KCNH1: variants seen among roughly 807,000 people sequenced by gnomAD.
KCNH1 encodes voltage-gated delayed rectifier potassium channel KCNH1.
A neutral mutation model predicts 69.2 loss-of-function variants in KCNH1; 27 were observed. That is an observed-to-expected ratio of 0.39 (90% CI 0.29 to 0.54). KCNH1 has a LOEUF of 0.54. Ranked by LOEUF, KCNH1 falls within the 20% of genes least tolerant of loss-of-function variation. The pLI is 0.68. For missense variants in KCNH1, 798 were observed against 1,261.6 expected, an observed-to-expected ratio of 0.63 and a Z score of 5.57; for synonymous variants, 456 against 487.7, an observed-to-expected ratio of 0.93 and a Z score of 0.86.
chr1:211,069,921 T>G (rs1171828194), intron 5 of KCNH1, among the ~76,000 whole-genome samples: 1 of 152,222 alleles, frequency 6.6e-6, no homozygotes, highest in South Asian at 2.1e-4. Context: ...TGATAAAATG[T>G]TCCCTAAAAC....
At chr1:211,086,309 C>A (rs979216169) in intron 4 of KCNH1, among the ~76,000 whole-genome samples, 1 of 152,148 alleles carries the variant, frequency 6.6e-6, no homozygotes, top group Admixed American at 6.5e-5. Context: ...CTGTGCCTGT[C>A]TTTTGCCAGG....
chr1:211,021,474 A>G (rs1689585409), intron 5 of KCNH1, among the ~76,000 whole-genome samples: 1 of 152,130 alleles, frequency 6.6e-6, no homozygotes, highest in Non-Finnish European at 1.5e-5. Flanking sequence ...CAGACAGAAC[A>G]ATTAGGCAAG....
chr1:210,821,216 T>C (rs541879256), intron 7 of KCNH1, among the ~76,000 whole-genome samples: 1 of 152,290 alleles, frequency 6.6e-6, no homozygotes, highest in South Asian at 2.1e-4. Flanking sequence ...CACCTTACGA[T>C]ACCATCACAC....
At chr1:210,821,844 A>G (rs1684936292) in intron 7 of KCNH1, among the ~76,000 whole-genome samples, 1 of 149,410 alleles carries the variant, frequency 6.7e-6, no homozygotes, top group Admixed American at 6.7e-5. Context: ...TTATTTATTT[A>G]TTTATTTAAA....
intron 7 of KCNH1, among the ~76,000 whole-genome samples, chr1:210,901,807 T>C (rs577460313): frequency 1.3e-5 from 2 of 152,330 alleles, no homozygotes; most frequent in African/African-American, 2.4e-5. Context: ...CAGTGTCTTA[T>C]ATTCCATTTA....
Position 210,967,250 on chromosome 1 carries a change from C to A in KCNH1, c.1033-47181G>T, listed in dbSNP as rs564399457. Among the ~76,000 whole-genome samples, 5 of 152,166 alleles carry A rather than the reference C, an allele frequency of 3.3e-5. No homozygotes were observed. The South Asian group carries it at 1.0e-3, about 32-fold the overall frequency. Reference sequence around the variant, plus strand: ...TCATGGGCTGATGGGTGCAGCAAGCCACCATGGCATGTGTATACCTATGCA... The same window carrying A: ...TCATGGGCTGATGGGTGCAGCAAGCAACCATGGCATGTGTATACCTATGCA... On this transcript the variant is annotated intron_variant, in intron 6 of 10. Transcript: ENST00000271751.
intron 7 of KCNH1, among the ~76,000 whole-genome samples, chr1:210,882,663 T>A (rs1042953489): frequency 1.3e-5 from 2 of 152,112 alleles, no homozygotes; most frequent in Non-Finnish European, 2.9e-5. Flanking sequence ...TTGGTGTACT[T>A]GTGAGCAGCC....
chr1:210,774,457 C>T (rs567414473), intron 10 of KCNH1, among the ~76,000 whole-genome samples: 1 of 152,228 alleles, frequency 6.6e-6, no homozygotes, highest in African/African-American at 2.4e-5. Context: ...GCAGCATCAA[C>T]GTTGATGCCA....
chr1:211,094,242 G>A (rs1179979672), intron 3 of KCNH1, among the ~76,000 whole-genome samples: 2 of 152,078 alleles, frequency 1.3e-5, no homozygotes, highest in Non-Finnish European at 2.9e-5. Context: ...TTCACAATAG[G>A]GTTCACGCTT....
chr1:210,780,005 GGTTAAA>G (rs1683946001), intron 9 of KCNH1, among the ~76,000 whole-genome samples: 1 of 152,144 alleles, frequency 6.6e-6, no homozygotes, highest in East Asian at 1.9e-4. Context: ...CAGGCAATTT[GGTTAAA>G]TGAAGGGCAA....
At position 210,974,571 on chromosome 1, in the gene KCNH1, T is replaced by G. The variant is rs1688568514; in HGVS notation, c.1032+44212A>C. 3.4e-5 allele frequency among the ~76,000 whole-genome samples: 5 copies of G among 145,908 alleles called. No homozygotes were observed. In the South Asian group the frequency reaches 1.1e-3, roughly 32 times the overall value. ...ATGTGTTTCTTCATCCTTTTTTTTT[T>G]TTTTTTTTTTGAGATGGAGTCTCAC... On this transcript the variant is annotated intron_variant, in intron 6 of 10. Coordinates refer to ENST00000271751, the MANE Select transcript of KCNH1 (RefSeq NM_172362.3).
At chr1:210,709,817 C>T (rs1273498175) in intron 10 of KCNH1, among the ~76,000 whole-genome samples, 1 of 152,138 alleles carries the variant, frequency 6.6e-6, no homozygotes, top group Admixed American at 6.5e-5. Context: ...TTCCCAAGCC[C>T]AGGAGCTCTC....
intron 5 of KCNH1, among the ~76,000 whole-genome samples, chr1:211,031,638 A>G (rs1005526699): frequency 1.3e-5 from 2 of 152,212 alleles, no homozygotes; most frequent in African/African-American, 4.8e-5. Flanking sequence ...TCCAGCAAAT[A>G]AACAGAACCA....
At position 211,133,715 on chromosome 1, in the gene KCNH1, G is replaced by T; in HGVS notation, c.79+152C>A. The stretch of plus-strand genomic sequence containing the variant: ...CGCCCCGCCCTGCCCACCTTTCTCT[G>T]CCTCGGGGAGGCTGCCCTGGGTGCC... On this transcript the variant is annotated intron_variant, in intron 1 of 10. Coordinates refer to ENST00000271751, the MANE Select transcript of KCNH1 (RefSeq NM_172362.3). This position sits in a 1 kb window ranked among gnomAD's most constrained non-coding sequence, Gnocchi z 5.4. 35 of 593,924 alleles carry T rather than the reference G, an allele frequency of 5.9e-5. No individual in the cohort carries two copies. The highest frequency in any genetic ancestry group is 6.3e-4 in the Middle Eastern group (2 of 3,200). The allele number at this position is 593,924 out of a possible 1,614,324, so 36.8% of individuals were successfully genotyped here. A position where few individuals can be genotyped will look rare whatever the true frequency, so the allele number is the denominator to read the frequency against.
intron 10 of KCNH1, among the ~76,000 whole-genome samples, chr1:210,708,470 A>G (rs1383529487): frequency 6.6e-6 from 1 of 152,102 alleles, no homozygotes; most frequent in Non-Finnish European, 1.5e-5. Context: ...GAAACAGTAA[A>G]CATTAGATCT....
chr1:210,898,837 A>T (rs916670750), intron 7 of KCNH1, among the ~76,000 whole-genome samples: 2 of 152,202 alleles, frequency 1.3e-5, no homozygotes, highest in African/African-American at 2.4e-5. Flanking sequence ...GTGTGGGGTA[A>T]TGAGGGCCTG....
intron 3 of KCNH1, among the ~76,000 whole-genome samples, chr1:211,092,538 A>T (rs1302214709): frequency 6.6e-6 from 1 of 152,194 alleles, no homozygotes; most frequent in Non-Finnish European, 1.5e-5. Flanking sequence ...GCAAATACCA[A>T]CAGATTATAA....
chr1:210,827,403 CCTT>C (rs1685055905), intron 7 of KCNH1, among the ~76,000 whole-genome samples: 1 of 152,042 alleles, frequency 6.6e-6, no homozygotes, highest in African/African-American at 2.4e-5. Context: ...TGTATTCTCT[CCTT>C]CTAATTTTAT....
intron 5 of KCNH1, among the ~76,000 whole-genome samples, chr1:211,077,039 G>C (rs947037841): frequency 2.0e-5 from 3 of 152,100 alleles, no homozygotes; most frequent in African/African-American, 4.8e-5. Context: ...ATAAAATAAA[G>C]TGAGAGGAGA....
Sources: allele counts gnomAD v4.1 joint callset (sites outside exome capture counted in the v4.1 genomes callset), GRCh38; gene constraint gnomAD v4.1.1; non-coding constraint Gnocchi (gnomAD v3.1); transcripts MANE v1.5; gene names NCBI Gene and HGNC (gene_info 2026-07-23, HGNC 2026-07-21).